Variants in LRRC8B observed in about 807,000 individuals in gnomAD.
LRRC8B encodes leucine rich repeat containing 8 VRAC subunit B.
Under a neutral mutation model 58.8 loss-of-function variants are expected in LRRC8B, and 23 were observed. The ratio of observed to expected loss-of-function variants is 0.39; its 90% CI spans 0.28 to 0.55. LRRC8B has a LOEUF of 0.55. LRRC8B is among the 20% of genes least tolerant of loss of function. LRRC8B has a pLI of 0.62. For missense variants in LRRC8B, 694 were observed against 936.0 expected, an observed-to-expected ratio of 0.74 and a Z score of 3.37; for synonymous variants, 359 against 374.1, an observed-to-expected ratio of 0.96 and a Z score of 0.47.
intron 1 of LRRC8B, among the ~76,000 whole-genome samples, chr1:89,552,160 T>C (rs56050586): frequency 0.19 from 28,945 of 152,200 alleles, 3,484 homozygotes; most frequent in Admixed American, 0.31. Flanking sequence ...TACCTTCTTA[T>C]TTAGATTGCT....
Position 89,584,438 on chromosome 1 carries a change from C to T in LRRC8B, c.1788C>T (p.Asp596=). Residue 596 remains aspartate, a synonymous_variant, in exon 5 of 6, where the codon GAC becomes GAT. Transcript: ENST00000330947. The part of the protein sequence containing the change: ...NLKSLELISC[D]LERIPHSIFS... ...AAAGCCTAGAACTGATCAGCTGTGA[C>T]CTGGAACGCATCCCACATTCCATTT... 1 of 1,614,140 alleles carries T rather than the reference C, an allele frequency of 6.2e-7. No individual in the cohort carries two copies. Among genetic ancestry groups the T allele is most frequent in the Non-Finnish European group, 8.5e-7 (1 of 1,179,992 alleles).
chr1:89,573,970 T>C (rs1489070906), intron 3 of LRRC8B, among the ~76,000 whole-genome samples: 1 of 152,196 alleles, frequency 6.6e-6, no homozygotes, highest in Non-Finnish European at 1.5e-5. Context: ...AGAAATGGTG[T>C]GGAGTAATTT....
intron 1 of LRRC8B, among the ~76,000 whole-genome samples, chr1:89,526,027 A>G (rs1390768411): frequency 1.3e-5 from 2 of 152,244 alleles, no homozygotes; most frequent in Admixed American, 1.3e-4. Context: ...ATGATATAGT[A>G]GTCTTTGCAG....
At chr1:89,578,489 T>C (rs1040923754) in intron 3 of LRRC8B, among the ~76,000 whole-genome samples, 2 of 152,238 alleles carry the variant, frequency 1.3e-5, no homozygotes, top group South Asian at 2.1e-4. Flanking sequence ...TAGGTTCTTA[T>C]ACATACTAAC....
At position 89,557,701 on chromosome 1, in the gene LRRC8B, GAC is replaced by G. The variant is rs1201369136; in HGVS notation, c.-240-10545_-240-10544del. On this transcript the variant is annotated intron_variant, in intron 1 of 5. Coordinates refer to ENST00000330947, the MANE Select transcript of LRRC8B (RefSeq NM_001369817.2). ...TGCGAGGAGCGGAGAAACAAAATGAGACTGTACTCAGTCAGCAGCAGATACAT... is the reference window on the plus strand; with the variant it reads ...TGCGAGGAGCGGAGAAACAAAATGAGTGTACTCAGTCAGCAGCAGATACAT... Among the ~76,000 whole-genome samples, 15 of 152,292 alleles carry G rather than the reference GAC, an allele frequency of 9.8e-5. No homozygotes were observed. In the East Asian group the frequency reaches 2.9e-3, roughly 29 times the overall value.
chr1:89,539,916 G>A (rs1462750837), intron 1 of LRRC8B, among the ~76,000 whole-genome samples: 1 of 152,184 alleles, frequency 6.6e-6, no homozygotes, highest in East Asian at 1.9e-4. Context: ...GCTAATGCAT[G>A]CTTATTTTGT....
At chr1:89,525,114 G>T (rs1399192528) in intron 1 of LRRC8B, 92 bp downstream of exon 1, 1 of 152,508 alleles carries the variant, frequency 6.6e-6, no homozygotes, top group East Asian at 1.9e-4. Context: ...GACGCAGCAG[G>T]TGGGGCTGGC....
chr1:89,539,301 C>T (rs1226782776), intron 1 of LRRC8B, among the ~76,000 whole-genome samples: 1 of 152,142 alleles, frequency 6.6e-6, no homozygotes, highest in South Asian at 2.1e-4. Context: ...ACTTTTTCAT[C>T]TGTATGCCCT....
intron 3 of LRRC8B, among the ~76,000 whole-genome samples, chr1:89,569,347 A>T (rs930398584): frequency 1.7e-4 from 26 of 152,158 alleles, no homozygotes; most frequent in African/African-American, 4.6e-4. Flanking sequence ...GATATACATG[A>T]TCAGATTTGT....
intron 1 of LRRC8B, among the ~76,000 whole-genome samples, chr1:89,566,038 A>C (rs1399700109): frequency 2.0e-5 from 3 of 152,114 alleles, no homozygotes; most frequent in Non-Finnish European, 2.9e-5. Context: ...TAATCTAGTT[A>C]AGTTTCCAGA....
intron 1 of LRRC8B, among the ~76,000 whole-genome samples, chr1:89,541,328 A>G (rs6696878): frequency 0.19 from 28,427 of 152,168 alleles, 3,095 homozygotes; most frequent in Admixed American, 0.3. Context: ...CCTCCTGGGC[A>G]GAGAGAGTTC....
intron 1 of LRRC8B, among the ~76,000 whole-genome samples, chr1:89,537,779 G>A (rs1280138055): frequency 1.3e-5 from 2 of 152,064 alleles, no homozygotes; most frequent in Non-Finnish European, 2.9e-5. Context: ...ATCCAGGATT[G>A]GTGTTCTTAT....
intron 5 of LRRC8B, among the ~76,000 whole-genome samples, chr1:89,585,818 AAG>A (rs1325488868): frequency 6.6e-6 from 1 of 151,168 alleles, no homozygotes; most frequent in African/African-American, 2.5e-5. Flanking sequence ...TCAAAAAAAA[AAG>A]AAAGAAAGAA....
chr1:89,554,436 G>C (rs1652033301), intron 1 of LRRC8B, among the ~76,000 whole-genome samples: 1 of 152,080 alleles, frequency 6.6e-6, no homozygotes, highest in African/African-American at 2.4e-5. Context: ...TAATTCATTT[G>C]TTTGATCTTT....
intron 1 of LRRC8B, among the ~76,000 whole-genome samples, chr1:89,526,440 C>G (rs1046898655): frequency 2.0e-5 from 3 of 152,134 alleles, no homozygotes; most frequent in Admixed American, 2.0e-4. Context: ...GTCTGAAACT[C>G]CTGACCTCAA....
chr1:89,592,757 T>A lies in LRRC8B; in HGVS notation c.2140-14T>A, dbSNP rs1655065421. ...AAACCTATTTTACCAGCTTCTTTTT[T>A]CTTCCCTTTCCAGATTGAGATGCTA... On this transcript the variant is annotated splice_polypyrimidine_tract_variant and intron_variant, in intron 5 of 5. Transcript: ENST00000330947. The A allele has an allele frequency of 1.2e-6, 2 of 1,610,112 alleles. No homozygotes were observed. The highest frequency in any genetic ancestry group is 1.7e-6 in the Non-Finnish European group (2 of 1,178,010).
chr1:89,532,947 C>G (rs1011575524), intron 1 of LRRC8B, among the ~76,000 whole-genome samples: 3 of 152,138 alleles, frequency 2.0e-5, no homozygotes, highest in Non-Finnish European at 4.4e-5. Flanking sequence ...TGGGCTTCTC[C>G]TTGCTTTATT....
intron 1 of LRRC8B, among the ~76,000 whole-genome samples, chr1:89,560,082 A>G (rs1418678141): frequency 1.3e-5 from 2 of 152,226 alleles, no homozygotes; most frequent in East Asian, 3.8e-4. Flanking sequence ...CTAACATTAC[A>G]TGTAAGGAAA....
Position 89,597,214 on chromosome 1 carries a change from T to A in LRRC8B, c.*4171T>A, listed in dbSNP as rs1655342108. 6.6e-6 allele frequency: 1 copy of A among 152,202 alleles called. No individual in the cohort carries two copies. The highest frequency in any genetic ancestry group is 2.4e-5 in the African/African-American group (1 of 41,446). 9.4% of individuals were successfully genotyped at this position (152,202 alleles called of 1,614,324 possible). On this transcript the variant is annotated 3_prime_UTR_variant, in exon 6 of 6. Coordinates refer to ENST00000330947, the MANE Select transcript of LRRC8B (RefSeq NM_001369817.2). ...TACATACCTTTGGTAACAGGCTACA[T>A]TCTCTTCAGATTTTTTATATGAATA...
Sources: gnomAD v4.1 joint callset for allele counts (sites outside exome capture counted in the v4.1 genomes callset) on GRCh38, gnomAD v4.1.1 for gene constraint, MANE v1.5 for transcripts, NCBI Gene and HGNC (gene_info 2026-07-23, HGNC 2026-07-21) for gene names.